CNNM2: variants seen among roughly 807,000 people sequenced by gnomAD.
The protein encoded by CNNM2 is cyclin and CBS domain divalent metal cation transport mediator 2.
Under a neutral mutation model 66.9 loss-of-function variants are expected in CNNM2, and 12 were observed. The observed-to-expected ratio is 0.18, with a 90% CI of 0.11 to 0.29. CNNM2 has a LOEUF of 0.29. Among genes scored for constraint, CNNM2 ranks in the 10% least tolerant of loss-of-function variants. The probability of loss-of-function intolerance (pLI) is 1.00; values close to 1 mark genes in which losing one functional copy is unlikely to be tolerated. For missense variants in CNNM2, 705 were observed against 1,167.7 expected (o/e 0.60, Z 5.77); for synonymous variants, 557 against 501.8 (o/e 1.11, Z -1.47).
intron 1 of CNNM2, among the ~76,000 whole-genome samples, chr10:103,011,618 G>A (rs1194349583): frequency 2.7e-5 from 4 of 148,042 alleles, no homozygotes; most frequent in African/African-American, 5.0e-5. Context: ...CTGTTATTTA[G>A]TTTTCTTTTG....
intron 1 of CNNM2, among the ~76,000 whole-genome samples, chr10:103,040,929 G>T (rs1228776427): frequency 1.3e-5 from 2 of 152,116 alleles, no homozygotes; most frequent in African/African-American, 4.8e-5. Flanking sequence ...AGCTAAATAC[G>T]GGAGGAGAAT....
chr10:103,041,165 G>A (rs774312346), intron 1 of CNNM2, among the ~76,000 whole-genome samples: 3 of 151,996 alleles, frequency 2.0e-5, no homozygotes, highest in African/African-American at 7.3e-5. Flanking sequence ...CCTATTCCCC[G>A]TTCCTGTCTC....
intron 1 of CNNM2, among the ~76,000 whole-genome samples, chr10:102,924,612 C>T (rs1273515534): frequency 6.6e-6 from 1 of 151,500 alleles, no homozygotes. Flanking sequence ...TGCCTTGAAT[C>T]TAGGAAGTTG....
chr10:102,924,745 CAGGTG>C (rs1269865909), intron 1 of CNNM2, among the ~76,000 whole-genome samples: 84 of 152,064 alleles, frequency 5.5e-4, no homozygotes, highest in African/African-American at 1.9e-3. Context: ...GCTGGGATTA[CAGGTG>C]CATGCCACCA....
intron 4 of CNNM2, among the ~76,000 whole-genome samples, chr10:103,061,248 C>G (rs924447554): frequency 6.6e-6 from 1 of 152,066 alleles, no homozygotes; most frequent in South Asian, 2.1e-4. Context: ...CAAAACTTAG[C>G]TAGACGTGTT....
At chr10:102,950,840 A>G (rs1440862357) in intron 1 of CNNM2, among the ~76,000 whole-genome samples, 1 of 152,342 alleles carries the variant, frequency 6.6e-6, no homozygotes, top group East Asian at 1.9e-4. Flanking sequence ...ATTGCAAGAT[A>G]AAAGTCACTT....
rs1006726373 is a variant in CNNM2 at position 102,960,222 on chromosome 10, A to G, written c.1621+40121A>G. Among the ~76,000 whole-genome samples the G allele has an allele frequency of 2.6e-5, 4 of 152,276 alleles. No homozygotes were observed. In the South Asian group the frequency reaches 8.3e-4, roughly 32 times the overall value. ...AGTTTTTGAAAAACGCTGATTTTCT[A>G]TTTGCACTTTATTGAAAACTTGGTG... On this transcript the variant is annotated intron_variant, in intron 1 of 7. Coordinates refer to ENST00000369878, the MANE Select transcript of CNNM2 (RefSeq NM_017649.5).
chr10:103,038,310 C>T (rs2064979160), intron 1 of CNNM2, among the ~76,000 whole-genome samples: 1 of 152,162 alleles, frequency 6.6e-6, no homozygotes, highest in African/African-American at 2.4e-5. Context: ...GAGATTTTTA[C>T]AGAGAAGTGA....
rs1486090994 is a variant in CNNM2 at position 103,059,649 on chromosome 10, G to C, written c.2073+2685G>C. On this transcript the variant is annotated intron_variant, in intron 4 of 7. Coordinates refer to ENST00000369878, the MANE Select transcript of CNNM2 (RefSeq NM_017649.5). ...GTAAATCATGGAAAAAACTTTATTG[G>C]CTCTACATGCTTTAAATAACTTAAC... 2.6e-5 allele frequency among the ~76,000 whole-genome samples: 4 copies of C among 152,148 alleles called. No homozygotes were observed. In the East Asian group the frequency reaches 7.7e-4, roughly 29 times the overall value.
rs1333116605 is a variant in CNNM2, at chr10:103,027,706, T to C, written c.1622-22001T>C. Among the ~76,000 whole-genome samples, 4 of 152,238 alleles carry C rather than the reference T, an allele frequency of 2.6e-5. No individual in the cohort carries two copies. In the East Asian group the frequency reaches 7.7e-4, roughly 29 times the overall value. On this transcript the variant is annotated intron_variant, in intron 1 of 7. Coordinates refer to ENST00000369878, the MANE Select transcript of CNNM2 (RefSeq NM_017649.5). Reference sequence around the variant, plus strand: ...CAATAATCCCAAGATCCTGTTTCTATAGATATTAAAAGGTATTATGCATGT... The same window carrying C: ...CAATAATCCCAAGATCCTGTTTCTACAGATATTAAAAGGTATTATGCATGT...
rs1420061330 is a variant in CNNM2 at position 103,084,831 on chromosome 10, C to T, written c.*7651C>T. On this transcript the variant is annotated 3_prime_UTR_variant, in exon 8 of 8. Transcript: ENST00000369878. ...GTAGAGAAAGTGGTTAAAAACTGAC[C>T]TTTTTATAGCCTGGAGTTGATTTCT... 2.6e-5 allele frequency: 4 copies of T among 152,066 alleles called. No individual in the cohort carries two copies. The highest frequency in any genetic ancestry group is 7.2e-5 in the African/African-American group (3 of 41,406). 9.4% of individuals were successfully genotyped at this position (152,066 alleles called of 1,614,324 possible). A position where few individuals can be genotyped will look rare whatever the true frequency, so the allele number is the denominator to read the frequency against.
chr10:103,009,005 G>A (rs904945113), intron 1 of CNNM2, among the ~76,000 whole-genome samples: 4 of 152,050 alleles, frequency 2.6e-5, no homozygotes, highest in Non-Finnish European at 4.4e-5. Context: ...GGCCAGACAC[G>A]GTGGCCCACA....
chr10:103,018,221 G>A (rs778611592), intron 1 of CNNM2, among the ~76,000 whole-genome samples: 1 of 152,130 alleles, frequency 6.6e-6, no homozygotes, highest in Non-Finnish European at 1.5e-5. Flanking sequence ...AGAGGGTAGA[G>A]GTATGGGGGT....
Position 103,083,789 on chromosome 10 carries a change from A to G in CNNM2, c.*6609A>G, listed in dbSNP as rs2065778666. ...TGGGCTAAGCCGGCATTTCCTAGGTAAGACCAAAGGTCTCATTCAGGCCTC... is the reference window on the plus strand; with the variant it reads ...TGGGCTAAGCCGGCATTTCCTAGGTGAGACCAAAGGTCTCATTCAGGCCTC... On this transcript the variant is annotated 3_prime_UTR_variant, in exon 8 of 8. Coordinates refer to ENST00000369878, the MANE Select transcript of CNNM2 (RefSeq NM_017649.5). 6.6e-6 allele frequency: 1 copy of G among 152,228 alleles called. No homozygotes were observed. The highest frequency in any genetic ancestry group is 2.4e-5 in the African/African-American group (1 of 41,450). 9.4% of individuals were successfully genotyped at this position (152,228 alleles called of 1,614,324 possible). A position where few individuals can be genotyped will look rare whatever the true frequency, so the allele number is the denominator to read the frequency against.
chr10:103,018,549 T>C (rs569010689), intron 1 of CNNM2, among the ~76,000 whole-genome samples: 1 of 151,418 alleles, frequency 6.6e-6, no homozygotes, highest in East Asian at 2.0e-4. Flanking sequence ...AGAAAAGAGA[T>C]CCAAAAGTGG....
At chr10:103,047,446 A>C (rs770779937) in intron 1 of CNNM2, among the ~76,000 whole-genome samples, 1 of 152,250 alleles carries the variant, frequency 6.6e-6, no homozygotes, top group Admixed American at 6.5e-5. Context: ...CCAGACAACA[A>C]AACAAAGAGG....
chr10:103,046,578 C>A (rs2134324765), intron 1 of CNNM2, among the ~76,000 whole-genome samples: 1 of 152,252 alleles, frequency 6.6e-6, no homozygotes, highest in Non-Finnish European at 1.5e-5. Flanking sequence ...AAAACAGAGA[C>A]CTTCAAAACA....
intron 1 of CNNM2, among the ~76,000 whole-genome samples, chr10:102,938,742 A>G (rs528172940): frequency 6.6e-6 from 1 of 152,070 alleles, no homozygotes; most frequent in Non-Finnish European, 1.5e-5. Flanking sequence ...CATTGCTCTT[A>G]AATAGTCCTA....
At chr10:103,047,311 C>A (rs562345690) in intron 1 of CNNM2, among the ~76,000 whole-genome samples, 1 of 152,178 alleles carries the variant, frequency 6.6e-6, no homozygotes, top group Non-Finnish European at 1.5e-5. Flanking sequence ...GGGGGACATT[C>A]TGCAGGAGGC....
Sources: allele counts gnomAD v4.1 joint callset (sites outside exome capture counted in the v4.1 genomes callset), GRCh38; gene constraint gnomAD v4.1.1; transcripts MANE v1.5; gene names NCBI Gene and HGNC (gene_info 2026-07-23, HGNC 2026-07-21).